TULP2: variants seen among roughly 807,000 people sequenced by gnomAD.
TULP2 encodes the protein tubby-related protein 2.
In TULP2, 64 loss-of-function variants were observed where a neutral mutation model predicts 60.3. That is an observed-to-expected ratio of 1.06 (90% CI 0.87 to 1.31). TULP2 has a LOEUF of 1.31. Ranked by LOEUF, TULP2 falls within the 50% of genes most tolerant of loss-of-function variation. TULP2 has a pLI of 0.00. For missense variants in TULP2, 652 were observed against 667.0 expected, an observed-to-expected ratio of 0.98 and a Z score of 0.25; for synonymous variants, 267 against 265.4, an observed-to-expected ratio of 1.01 and a Z score of -0.06.
At chr19:48,885,215 A>G (rs946753969) in intron 9 of TULP2, among the ~76,000 whole-genome samples, 9 of 151,904 alleles carry the variant, frequency 5.9e-5, no homozygotes, top group Non-Finnish European at 1.3e-4. Context: ...ACCTTTTTGG[A>G]TGCAATAATT....
At chr19:48,889,202 C>T (rs1375359497) in intron 7 of TULP2, among the ~76,000 whole-genome samples, 2 of 151,958 alleles carry the variant, frequency 1.3e-5, no homozygotes, top group African/African-American at 4.8e-5. Context: ...TCACGAACTC[C>T]TGACCTCAAG....
Position 48,882,153 on chromosome 19 carries a change from C to G in TULP2, c.1326G>C (p.Leu442Phe). The G allele has an allele frequency of 6.2e-7, 1 of 1,614,004 alleles. No homozygotes were observed. Among genetic ancestry groups the G allele is most frequent in the Non-Finnish European group, 8.5e-7 (1 of 1,179,972 alleles). ...ACGGGGTTTTGTTGTGCAACAAAAG[C>G]AACCCTTGTTTGTCCCCACGTTGGT... ...SRYQRGDKQGLLLLHNKTPSW... is the reference protein window; with the variant it reads ...SRYQRGDKQGFLLLHNKTPSW... The change falls in exon 12 of 13, where the codon TTG becomes TTC. Residue 442 changes from leucine to phenylalanine, a missense_variant. Leu to Phe is a conservative substitution (Grantham distance 22). Coordinates refer to ENST00000221399, the MANE Select transcript of TULP2 (RefSeq NM_003323.3).
chr19:48,888,162 C>G lies in TULP2; in HGVS notation c.736G>C (p.Gly246Arg). 6.2e-7 allele frequency: 1 copy of G among 1,614,216 alleles called. No homozygotes were observed. ...CTCATATGGTCGCTGTCCGTGCCAC[C>G]CTCGCCTTTCAGGGCCTTGGACAAC... ...EELSKALKGEGGTDSDHMRHE... is the reference protein window; with the variant it reads ...EELSKALKGERGTDSDHMRHE... The change falls in exon 8 of 13, where the codon GGT becomes CGT. Residue 246 changes from glycine (G) to arginine (R), a missense_variant. Coordinates refer to ENST00000221399, the MANE Select transcript of TULP2 (RefSeq NM_003323.3).
rs747560503 is a variant in TULP2 at position 48,885,514 on chromosome 19, T to C, written c.995A>G (p.Asn332Ser). The change falls in exon 9 of 13, where the codon AAT (asparagine) becomes AGT (serine). Residue 332 changes from asparagine to serine, a missense_variant. Physicochemically the swap from Asn to Ser is conservative, Grantham distance 46. Coordinates refer to ENST00000221399, the MANE Select transcript of TULP2 (RefSeq NM_003323.3). ...GRKRRRSKTS[N>S]YLISLDPTHL... ...TGTAGGATCCAGGGAGATGAGGTAA[T>C]TAGAAGTTTTGCTCCTTCTTCTCTT... is the stretch of plus-strand genomic sequence containing the variant. 111 of 1,613,800 alleles carry C rather than the reference T, an allele frequency of 6.9e-5. No individual in the cohort carries two copies. The Admixed American group carries it at 1.8e-3, about 27-fold the overall frequency.
In TULP2 at chr19:48,895,151, G is replaced by A; in HGVS notation, c.361C>T (p.Leu121Phe). The A allele has an allele frequency of 6.2e-7, 1 of 1,613,636 alleles. No homozygotes were observed. Among genetic ancestry groups the A allele is most frequent in the Non-Finnish European group, 8.5e-7 (1 of 1,179,840 alleles). The change falls in exon 6 of 13, where the codon CTC becomes TTC. Residue 121 changes from leucine to phenylalanine, a missense_variant. Physicochemically the swap from Leu to Phe is conservative, Grantham distance 22. Transcript: ENST00000221399. ...TPRTEAVFRN[L>F]GLQSPFLSWL... ...GATAAGAAAGGGGACTGGAGACCGAGATTCCTGAACACTGAGGAAGGAAGG... is the reference window on the plus strand; with the variant it reads ...GATAAGAAAGGGGACTGGAGACCGAAATTCCTGAACACTGAGGAAGGAAGG...
At chr19:48,891,552 C>T (rs1017015890) in intron 6 of TULP2, among the ~76,000 whole-genome samples, 24 of 108,624 alleles carry the variant, frequency 2.2e-4, no homozygotes, top group African/African-American at 1.7e-3. Context: ...ATCGCTTAAA[C>T]CCAGCCAGGC....
At chr19:48,890,794 T>C (rs1183872821) in intron 6 of TULP2, among the ~76,000 whole-genome samples, 2 of 152,124 alleles carry the variant, frequency 1.3e-5, no homozygotes, top group African/African-American at 4.8e-5. Context: ...GAGTTTCTGA[T>C]TACCCTGGAT....
At chr19:48,889,355 CA>C in intron 7 of TULP2, among the ~76,000 whole-genome samples, 154 bp downstream of exon 7, 2 of 152,244 alleles carry the variant, frequency 1.3e-5, no homozygotes, top group South Asian at 4.1e-4. Flanking sequence ...TGCACGCACG[CA>C]CGCACGCACG....
intron 7 of TULP2, 79 bp from the exon 8 acceptor site, chr19:48,888,340 C>T: frequency 6.9e-7 from 1 of 1,441,620 alleles, no homozygotes; most frequent in South Asian, 1.4e-5. Context: ...CATCCCAGCC[C>T]TAGGGTCCCG....
intron 12 of TULP2, 66 bp from the exon 13 acceptor site, chr19:48,881,192 ACTT>A: frequency 6.5e-6 from 4 of 614,558 alleles, no homozygotes; most frequent in Non-Finnish European, 9.9e-6. Context: ...GAGAACTGAG[ACTT>A]TTTTTTTTTT....
chr19:48,888,104 C>A lies in TULP2; in HGVS notation c.794G>T (p.Cys265Phe). The change falls in exon 8 of 13, where the codon TGC becomes TTC. Residue 265 changes from cysteine to phenylalanine, a missense_variant. Cys to Phe is a radical substitution (Grantham distance 205). Coordinates refer to ENST00000221399, the MANE Select transcript of TULP2 (RefSeq NM_003323.3). ...TTCCATGTCCTCCTCCAGCCCAGGG[C>A]AGGGGGAGCGGATTGCCAAGGAGGC... The part of the protein sequence containing the change: ...HEASLAIRSP[C>F]PGLEEDMEAY... 1 of 1,614,198 alleles carries A rather than the reference C, an allele frequency of 6.2e-7. No homozygotes were observed. Among genetic ancestry groups the A allele is most frequent in the African/African-American group, 1.3e-5 (1 of 75,070 alleles).
At chr19:48,881,190 AGACTTTTTTTTTTTTTTT>A in intron 12 of TULP2, 64 bp from the exon 13 acceptor site, 2 of 590,792 alleles carry the variant, frequency 3.4e-6, no homozygotes, top group Non-Finnish European at 5.5e-6. Context: ...TCGAGAACTG[AGACTTTTTTTTTTTTTTT>A]TTCTTTTTTT....
chr19:48,897,743 T>C lies in TULP2; in HGVS notation c.32+94A>G. On this transcript the variant is annotated intron_variant, in intron 2 of 12. Transcript: ENST00000221399. This position sits in a 1 kb window ranked among gnomAD's most constrained non-coding sequence, Gnocchi z 4.0. ...CCCCTTCCTGCAAGGCCGATGGTGC[T>C]GAACCTGCAAACATGGTTATGAAGC... 1.5e-6 allele frequency: 2 copies of C among 1,365,746 alleles called. No individual in the cohort carries two copies. The highest frequency in any genetic ancestry group is 2.3e-5 in the East Asian group (1 of 43,492). 84.6% of individuals were successfully genotyped at this position (1,365,746 alleles called of 1,614,324 possible).
At position 48,885,452 on chromosome 19, in the gene TULP2, CTT is replaced by C; in HGVS notation, c.1055_1056del (p.Lys352SerfsTer14). On this transcript the variant is annotated frameshift_variant, in exon 9 of 13. Transcript: ENST00000221399. LOFTEE classifies it high-confidence loss of function. ...ACATGTCAGAGCTCTACCCACCTGA[CTT>C]TGCCCACGAAATTGTCCCCGTCCCG... Reference protein sequence around the residue: ...LSRDGDNFVGKVRSNVFSTKF... With the variant: ...LSRDGDNFVGXVRSNVFSTKF... The C allele has an allele frequency of 6.2e-7, 1 of 1,613,846 alleles. No individual in the cohort carries two copies. Among genetic ancestry groups the C allele is most frequent in the Non-Finnish European group, 8.5e-7 (1 of 1,179,836 alleles).
chr19:48,897,986 T>C lies in TULP2; in HGVS notation c.-1-117A>G. On this transcript the variant is annotated intron_variant, in intron 1 of 12. Transcript: ENST00000221399. This position sits in a 1 kb window ranked among gnomAD's most constrained non-coding sequence, Gnocchi z 4.0. The stretch of plus-strand genomic sequence containing the variant: ...TTATTTATTTATTTATTTATGTATT[T>C]AGAGACAGCTGAGCCTCGCTCTGTC... The C allele has an allele frequency of 1.2e-6, 1 of 838,316 alleles. No homozygotes were observed. Among genetic ancestry groups the C allele is most frequent in the Non-Finnish European group, 1.6e-6 (1 of 619,724 alleles). 51.9% of individuals were successfully genotyped at this position (838,316 alleles called of 1,614,324 possible).
At chr19:48,884,189 C>T (rs1356222775) in intron 9 of TULP2, 143 bp from the exon 10 acceptor site, 1 of 685,046 alleles carries the variant, frequency 1.5e-6, no homozygotes, top group Non-Finnish European at 2.5e-6. Flanking sequence ...CCTGGCTGGG[C>T]ACAGGGGCTC....
intron 4 of TULP2, among the ~76,000 whole-genome samples, chr19:48,896,140 C>G (rs1032205343): frequency 8.5e-5 from 13 of 152,290 alleles, no homozygotes; most frequent in African/African-American, 3.1e-4. Context: ...CAAGCCCAAT[C>G]ATCACATTCT....
At position 48,884,908 on chromosome 19, in the gene TULP2, CTTTTTTTTTTTTT is replaced by C. The variant is rs745788084; in HGVS notation, c.1061+527_1061+539del. On this transcript the variant is annotated intron_variant, in intron 9 of 12. Transcript: ENST00000221399. ...ATTTAAAGGGCCCTTTAGGAACCCT[CTTTTTTTTTTTTT>C]TTTTTTTTTTTTTCTGTTGCCCAAG... Among the ~76,000 whole-genome samples, 6 of 97,378 alleles carry C rather than the reference CTTTTTTTTTTTTT, an allele frequency of 6.2e-5. No individual in the cohort carries two copies. In the East Asian group the frequency reaches 1.6e-3, roughly 25 times the overall value. The allele number at this position is 97,378 out of a possible 152,430, so 63.9% of individuals were successfully genotyped here. A position where few individuals can be genotyped will look rare whatever the true frequency, so the allele number is the denominator to read the frequency against.
In TULP2 at chr19:48,897,889, G is replaced by C; in HGVS notation, c.-1-20C>G. The C allele has an allele frequency of 6.2e-7, 1 of 1,611,734 alleles. No individual in the cohort carries two copies. The highest frequency in any genetic ancestry group is 8.5e-7 in the Non-Finnish European group (1 of 1,178,966). ...GACATTCTGCAGAAGCAAGAATGAG[G>C]AGTCAGGATCAGAACCAACATCCCA... On this transcript the variant is annotated intron_variant, in intron 1 of 12. Transcript: ENST00000221399. The surrounding 1 kb of genome is among the most constrained non-coding windows in gnomAD (Gnocchi z 4.0).
Sources: allele counts gnomAD v4.1 joint callset (sites outside exome capture counted in the v4.1 genomes callset), GRCh38; gene constraint gnomAD v4.1.1; non-coding constraint Gnocchi (gnomAD v3.1); transcripts MANE v1.5; gene names NCBI Gene and HGNC (gene_info 2026-07-23, HGNC 2026-07-21).